Variants in PAQR8 observed in about 807,000 individuals in gnomAD.
PAQR8 encodes progestin and adipoQ receptor family member 8, also known as membrane progestin receptor beta.
Under a neutral mutation model 25.2 loss-of-function variants are expected in PAQR8, and 17 were observed. The observed-to-expected ratio is 0.67, with a 90% confidence interval of 0.46 to 1.01. PAQR8 has a LOEUF of 1.01. PAQR8 is among the 50% of genes least tolerant of loss of function. The pLI, the probability that PAQR8 is intolerant of heterozygous loss-of-function variation, is 0.00. For synonymous variants in PAQR8, 204 were observed against 190.6 expected (o/e 1.07, Z -0.58); for missense variants, 392 against 448.4 (o/e 0.87, Z 1.14).
At chr6:52,390,542 A>G (rs376718331) in intron 1 of PAQR8, among the ~76,000 whole-genome samples, 3 of 152,028 alleles carry the variant, frequency 2.0e-5, no homozygotes, top group Non-Finnish European at 2.9e-5. Flanking sequence ...CTTTTTTTTT[A>G]TAGGCACGGT....
chr6:52,388,986 G>A (rs1395762682), intron 1 of PAQR8, among the ~76,000 whole-genome samples: 2 of 152,162 alleles, frequency 1.3e-5, no homozygotes, highest in Non-Finnish European at 2.9e-5. Context: ...GAATAAAAAC[G>A]AGTTCTAACA....
chr6:52,379,782 G>A (rs1175509678), intron 1 of PAQR8, among the ~76,000 whole-genome samples: 4 of 152,114 alleles, frequency 2.6e-5, no homozygotes, highest in Admixed American at 6.5e-5. Context: ...GCCTGCTACC[G>A]CGCCCGGCTA....
In PAQR8 at chr6:52,362,179, G is replaced by A. The variant is rs1763297004; in HGVS notation, c.-123G>A. 6.6e-6 allele frequency: 1 copy of A among 151,822 alleles called. No homozygotes were observed. Among genetic ancestry groups the A allele is most frequent in the Admixed American group, 6.6e-5 (1 of 15,222 alleles). 9.4% of individuals were successfully genotyped at this position (151,822 alleles called of 1,614,324 possible). A position where few individuals can be genotyped will look rare whatever the true frequency, so the allele number is the denominator to read the frequency against. On this transcript the variant is annotated 5_prime_UTR_variant, in exon 1 of 2. Transcript: ENST00000442253. The surrounding 1 kb of genome is among the most constrained non-coding windows in gnomAD (Gnocchi z 4.1). ...GCCACCCGCGGGAAGCTCGTGGCCG[G>A]GACCCCGAGGCGGGAGCGCGGGCTG...
intron 1 of PAQR8, among the ~76,000 whole-genome samples, chr6:52,379,700 C>G (rs575089334): frequency 1.2e-4 from 17 of 147,020 alleles, no homozygotes; most frequent in Non-Finnish European, 3.0e-5. Context: ...GATCTCGGCT[C>G]ACTGCGAGCT....
intron 1 of PAQR8, among the ~76,000 whole-genome samples, chr6:52,379,496 G>A (rs1263924713): frequency 1.3e-5 from 2 of 152,258 alleles, no homozygotes; most frequent in East Asian, 3.9e-4. Flanking sequence ...CTGTTGCCTA[G>A]GCTGGAGTGC....
At chr6:52,363,552 A>G (rs1396634023) in intron 1 of PAQR8, among the ~76,000 whole-genome samples, 2 of 152,190 alleles carry the variant, frequency 1.3e-5, no homozygotes, top group Non-Finnish European at 2.9e-5. Context: ...TTTCTGGGTA[A>G]AAACGAGGAA....
At position 52,367,332 on chromosome 6, in the gene PAQR8, C is replaced by T. The variant is rs374066406; in HGVS notation, c.-53+5083C>T. Among the ~76,000 whole-genome samples, 17 of 152,330 alleles carry T rather than the reference C, an allele frequency of 1.1e-4. No individual in the cohort carries two copies. The South Asian group carries it at 3.5e-3, about 32-fold the overall frequency. Reference sequence around the variant, plus strand: ...AAATAAACCTGCATTAGCACCCTGACACCACCATTTCTTAACTGTGCCACC... The same window carrying T: ...AAATAAACCTGCATTAGCACCCTGATACCACCATTTCTTAACTGTGCCACC... On this transcript the variant is annotated intron_variant, in intron 1 of 1. Coordinates refer to ENST00000442253, the MANE Select transcript of PAQR8 (RefSeq NM_133367.5).
At chr6:52,375,708 TG>T (rs1763477583) in intron 1 of PAQR8, among the ~76,000 whole-genome samples, 1 of 152,016 alleles carries the variant, frequency 6.6e-6, no homozygotes. Context: ...TTTATTCTTT[TG>T]TAGAGACAGG....
At chr6:52,384,604 G>A (rs368820637) in intron 1 of PAQR8, among the ~76,000 whole-genome samples, 16 of 152,272 alleles carry the variant, frequency 1.1e-4, no homozygotes, top group African/African-American at 3.4e-4. Flanking sequence ...AATCAAGGAG[G>A]AGGAATTTCA....
chr6:52,374,263 C>T (rs9395788), intron 1 of PAQR8, among the ~76,000 whole-genome samples: 9,727 of 152,276 alleles, frequency 0.064, 428 homozygotes, highest in South Asian at 0.11. Context: ...ATACACTAGT[C>T]AAGTTCAAGA....
intron 1 of PAQR8, among the ~76,000 whole-genome samples, chr6:52,370,313 A>G (rs1763402657): frequency 6.6e-6 from 1 of 152,174 alleles, no homozygotes; most frequent in Non-Finnish European, 1.5e-5. Context: ...AAATGAAATA[A>G]GGCCAGAGCG....
In PAQR8 at chr6:52,406,854, C is replaced by G. The variant is rs1326766147; in HGVS notation, c.*2576C>G. 3.3e-6 allele frequency: 1 copy of G among 299,316 alleles called. No individual in the cohort carries two copies. Among genetic ancestry groups the G allele is most frequent in the Non-Finnish European group, 6.4e-6 (1 of 155,398 alleles). The allele number at this position is 299,316 out of a possible 1,614,324, so 18.5% of individuals were successfully genotyped here. A position where few individuals can be genotyped will look rare whatever the true frequency, so the allele number is the denominator to read the frequency against. On this transcript the variant is annotated 3_prime_UTR_variant, in exon 2 of 2. Coordinates refer to ENST00000442253, the MANE Select transcript of PAQR8 (RefSeq NM_133367.5). ...TTGGGATTACAGACATTAGCCATCA[C>G]GCCTGCCCTAGAAACAGTTTTTTAA...
In PAQR8 at chr6:52,387,592, T is replaced by C. The variant is rs116629233; in HGVS notation, c.-52-15570T>C. On this transcript the variant is annotated intron_variant, in intron 1 of 1. Coordinates refer to ENST00000442253, the MANE Select transcript of PAQR8 (RefSeq NM_133367.5). ...ACATGTATAGCCAGTTATAGCATAATGCTAAGAGGATGCTATAAACTGAAG... is the reference window on the plus strand; with the variant it reads ...ACATGTATAGCCAGTTATAGCATAACGCTAAGAGGATGCTATAAACTGAAG... Among the ~76,000 whole-genome samples, 190 of 152,380 alleles carry C rather than the reference T, an allele frequency of 1.2e-3. 2 individuals are homozygous for C. Among genetic ancestry groups the C allele is most frequent in the African/African-American group, 4.1e-3 (170 of 41,598 alleles).
At chr6:52,388,231 C>G (rs1297289916) in intron 1 of PAQR8, among the ~76,000 whole-genome samples, 1 of 152,094 alleles carries the variant, frequency 6.6e-6, no homozygotes, top group Non-Finnish European at 1.5e-5. Context: ...CAAAAATCAG[C>G]TAGGTGTGGT....
chr6:52,401,886 C>A (rs528903137), intron 1 of PAQR8, among the ~76,000 whole-genome samples: 2 of 152,264 alleles, frequency 1.3e-5, no homozygotes, highest in African/African-American at 4.8e-5. Context: ...ATATTTCATG[C>A]TATTAAAGCC....
chr6:52,370,820 T>C (rs556147602), intron 1 of PAQR8, among the ~76,000 whole-genome samples: 102 of 152,344 alleles, frequency 6.7e-4, no homozygotes, highest in Admixed American at 2.3e-3. Flanking sequence ...CATGTATGTG[T>C]GTGTGTGTTT....
intron 1 of PAQR8, among the ~76,000 whole-genome samples, chr6:52,393,809 T>C (rs2113947927): frequency 6.6e-6 from 1 of 152,272 alleles, no homozygotes; most frequent in Admixed American, 6.5e-5. Context: ...GAAAGTCCTA[T>C]AATGAAGGAC....
chr6:52,374,568 G>A (rs76844190), intron 1 of PAQR8, among the ~76,000 whole-genome samples: 4,065 of 152,110 alleles, frequency 0.027, 163 homozygotes, highest in African/African-American at 0.09. Context: ...CACATACCAC[G>A]ATGCCCAGCT....
chr6:52,380,208 G>A (rs1763543051), intron 1 of PAQR8, among the ~76,000 whole-genome samples: 2 of 152,230 alleles, frequency 1.3e-5, no homozygotes, highest in Non-Finnish European at 2.9e-5. Flanking sequence ...CAATAGGGTG[G>A]TTGGGAAGCC....
Sources: gnomAD v4.1 joint callset for allele counts (sites outside exome capture counted in the v4.1 genomes callset) on GRCh38, gnomAD v4.1.1 for gene constraint, Gnocchi (gnomAD v3.1) non-coding constraint, MANE v1.5 for transcripts, NCBI Gene and HGNC (gene_info 2026-07-23, HGNC 2026-07-21) for gene names.